Variants in DNAH9 observed in about 807,000 individuals in gnomAD.
The protein encoded by DNAH9 is DNAH9 variant protein.
DNAH9 carries 345 observed loss-of-function variants against 471.6 expected under a neutral mutation model. That is an observed-to-expected ratio of 0.73 (90% CI 0.67 to 0.80). The LOEUF (loss-of-function observed/expected upper bound fraction) is 0.80, where lower values mean the gene tolerates loss of function less well. Ranked by LOEUF, DNAH9 falls within the 30% of genes least tolerant of loss-of-function variation. The pLI is 0.00. For synonymous variants in DNAH9, 2,093 were observed against 2,123.6 expected (o/e 0.99, Z 0.40); for missense variants, 5,407 against 5,609.2 (o/e 0.96, Z 1.15).
chr17:11,679,888 C>T lies in DNAH9; in HGVS notation c.3485C>T (p.Thr1162Ile). ...LMAVKERQSN[T>I]DEMFEPLKQT... ...GCTGTTAAAGAACGGCAGAGTAACA[C>T]TGATGAGATGTTTGAGCCCTTAAAG... Residue 1162 changes from threonine (T) to isoleucine (I), a missense_variant, in exon 18 of 69, where the codon ACT becomes ATT. Around this residue, in one of 3 missense-constraint regions of DNAH9, gnomAD observed 4,636 missense variants for 4,900.3 expected, o/e 0.95. Coordinates refer to ENST00000262442, the MANE Select transcript of DNAH9 (RefSeq NM_001372.4). The T allele has an allele frequency of 6.2e-7, 1 of 1,614,058 alleles. No individual in the cohort carries two copies. The highest frequency in any genetic ancestry group is 8.5e-7 in the Non-Finnish European group (1 of 1,179,952).
intron 38 of DNAH9, among the ~76,000 whole-genome samples, chr17:11,779,812 G>A (rs988479449): frequency 1.3e-5 from 2 of 152,170 alleles, no homozygotes; most frequent in Admixed American, 6.5e-5. Flanking sequence ...GATAGTGTAT[G>A]TTAATTGGAT....
intron 67 of DNAH9, among the ~76,000 whole-genome samples, chr17:11,954,790 AG>A (rs1567574397): frequency 2.9e-5 from 3 of 103,242 alleles, no homozygotes; most frequent in African/African-American, 3.2e-5. Flanking sequence ...AAAAAAAAAG[AG>A]AGAGAAAGAA....
chr17:11,782,666 G>A (rs1409339397), intron 39 of DNAH9, among the ~76,000 whole-genome samples: 7 of 152,176 alleles, frequency 4.6e-5, no homozygotes, highest in African/African-American at 1.4e-4. Context: ...GGAGGCCAAG[G>A]TGGGCGAATC....
intron 41 of DNAH9, 36 bp from the exon 42 acceptor site, chr17:11,793,467 A>G (rs200774413): frequency 6.3e-7 from 1 of 1,591,732 alleles, no homozygotes; most frequent in Admixed American, 1.8e-5. Context: ...CTGGATGGTT[A>G]TTAACGTTAT....
intron 38 of DNAH9, among the ~76,000 whole-genome samples, chr17:11,778,703 C>A (rs947465494): frequency 2.6e-5 from 4 of 152,014 alleles, no homozygotes; most frequent in Non-Finnish European, 5.9e-5. Flanking sequence ...AAATGGGAAG[C>A]CACTTTGAAA....
intron 67 of DNAH9, among the ~76,000 whole-genome samples, chr17:11,954,787 AAGAG>A (rs746187380): frequency 0.16 from 24,167 of 147,050 alleles, 2,079 homozygotes; most frequent in Admixed American, 0.2. Flanking sequence ...AAAAAAAAAA[AAGAG>A]AGAGAAAGAA....
chr17:11,924,527 ATTAACCCCTATTAAATTTTAT>A (rs1029589377), intron 62 of DNAH9, among the ~76,000 whole-genome samples: 13 of 151,532 alleles, frequency 8.6e-5, no homozygotes, highest in African/African-American at 2.4e-4. Flanking sequence ...AGCCCTCTCT[ATTAACCCCTATTAAATTTTAT>A]TTAACCCCTA....
rs768224240 is a variant in DNAH9 at position 11,823,002 on chromosome 17, G to A, written c.9214G>A (p.Gly3072Arg). 29 of 1,613,920 alleles carry A rather than the reference G, an allele frequency of 1.8e-5. No homozygotes were observed. The highest frequency in any genetic ancestry group is 1.6e-4 in the Middle Eastern group (1 of 6,082). The stretch of plus-strand genomic sequence containing the variant: ...GTGCAAGACAGAGCGGTTGGAGAAC[G>A]GGCTGCTGAAGCTGCATAGCACCTC... Reference protein sequence around the residue: ...LKCKTERLENGLLKLHSTSAQ... With the variant: ...LKCKTERLENRLLKLHSTSAQ... Residue 3072 changes from glycine to arginine, a missense_variant, in exon 48 of 69, where the codon GGG (glycine) becomes AGG (arginine). Physicochemically the swap from Gly to Arg is moderately radical, Grantham distance 125. Coordinates refer to ENST00000262442, the MANE Select transcript of DNAH9 (RefSeq NM_001372.4).
chr17:11,693,772 C>A, intron 20 of DNAH9, 96 bp from the exon 21 acceptor site: 1 of 1,327,972 alleles, frequency 7.5e-7, no homozygotes. Flanking sequence ...ATTTGACAAC[C>A]CAGGAACAAG....
chr17:11,628,381 A>T (rs913393302), intron 6 of DNAH9, among the ~76,000 whole-genome samples: 1 of 152,202 alleles, frequency 6.6e-6, no homozygotes, highest in African/African-American at 2.4e-5. Flanking sequence ...TGCCACATTA[A>T]TAACAGCGAT....
chr17:11,902,639 C>CGG, intron 59 of DNAH9, 80 bp from the exon 60 acceptor site: 1 of 1,267,374 alleles, frequency 7.9e-7, no homozygotes, highest in South Asian at 1.4e-5. Context: ...ATAAGACCAT[C>CGG]TGGCCCCTCA....
At chr17:11,948,016 C>T (rs773673286) in intron 67 of DNAH9, among the ~76,000 whole-genome samples, 6 of 151,932 alleles carry the variant, frequency 3.9e-5, no homozygotes, top group South Asian at 4.2e-4. Flanking sequence ...CCACCCACCT[C>T]GGCCTCCCAA....
At chr17:11,666,782 T>C (rs2073876801) in intron 15 of DNAH9, among the ~76,000 whole-genome samples, 1 of 152,174 alleles carries the variant, frequency 6.6e-6, no homozygotes, top group Non-Finnish European at 1.5e-5. Context: ...AGCCACAGGA[T>C]GGAAGGAACC....
rs577655709 is a variant in DNAH9 at position 11,822,414 on chromosome 17, C to T, written c.8851-24C>T. On this transcript the variant is annotated intron_variant, in intron 46 of 68. Transcript: ENST00000262442. Reference sequence around the variant, plus strand: ...GTATTTCTCTGATGCCTTCCTGGTTCTCCCCACCCTTCTGACTTCTCAGGT... The same window carrying T: ...GTATTTCTCTGATGCCTTCCTGGTTTTCCCCACCCTTCTGACTTCTCAGGT... 1.9e-6 allele frequency: 3 copies of T among 1,613,436 alleles called. No homozygotes were observed. The African/African-American group carries it at 4.0e-5, about 22-fold the overall frequency.
At position 11,822,641 on chromosome 17, in the gene DNAH9, T is replaced by C. The variant is rs11868706; in HGVS notation, c.9012+42T>C. ...GACACTCCTAAAAGTCCTTCCCAGA[T>C]GAGGGTACAATGAATTCCCTGTCCA... On this transcript the variant is annotated intron_variant, in intron 47 of 68. Transcript: ENST00000262442. The C allele has an allele frequency of 2.5e-6, 4 of 1,609,914 alleles. No homozygotes were observed. The Admixed American group carries it at 5.0e-5, about 20-fold the overall frequency.
At chr17:11,699,244 G>A (rs552874382) in intron 22 of DNAH9, among the ~76,000 whole-genome samples, 24 of 150,636 alleles carry the variant, frequency 1.6e-4, no homozygotes, top group Middle Eastern at 3.4e-3. Flanking sequence ...GCCAGACTCC[G>A]TCTCAAAAAA....
At chr17:11,758,886 G>A (rs1967521176) in intron 35 of DNAH9, among the ~76,000 whole-genome samples, 1 of 152,016 alleles carries the variant, frequency 6.6e-6, no homozygotes, top group South Asian at 2.1e-4. Flanking sequence ...CTCAACATTT[G>A]TATAAGCCTT....
intron 48 of DNAH9, among the ~76,000 whole-genome samples, chr17:11,832,763 G>C (rs1970719761): frequency 6.6e-6 from 1 of 152,206 alleles, no homozygotes; most frequent in Non-Finnish European, 1.5e-5. Flanking sequence ...TGTTCCAGGA[G>C]CTCTGAAGTA....
chr17:11,680,052 G>T, intron 18 of DNAH9, 73 bp downstream of exon 18: 1 of 1,205,514 alleles, frequency 8.3e-7, no homozygotes, highest in East Asian at 2.4e-5. Context: ...GGGTAAAGTG[G>T]GGTACAGCAA....
Sources: allele counts gnomAD v4.1 joint callset (sites outside exome capture counted in the v4.1 genomes callset), GRCh38; gene constraint gnomAD v4.1.1; regional missense constraint gnomAD v4.1.1; transcripts MANE v1.5; gene names NCBI Gene and HGNC (gene_info 2026-07-23, HGNC 2026-07-21).